COL21A1: variants seen among roughly 807,000 people sequenced by gnomAD.
The protein encoded by COL21A1 is collagen type XXI alpha 1 chain, also known as collagen alpha-1(XXI) chain.
COL21A1 carries 149 observed loss-of-function variants against 137.9 expected under a neutral mutation model. The ratio of observed to expected loss-of-function variants is 1.08; its 90% CI spans 0.95 to 1.24. The LOEUF (loss-of-function observed/expected upper bound fraction) is 1.24. Ranked by LOEUF, COL21A1 falls within the 50% of genes most tolerant of loss-of-function variation. The pLI, the probability that COL21A1 is intolerant of heterozygous loss-of-function variation, is 0.00. For missense variants in COL21A1, 1,167 were observed against 1,158.4 expected, an observed-to-expected ratio of 1.01 and a Z score of -0.11; for synonymous variants, 456 against 391.5, an observed-to-expected ratio of 1.16 and a Z score of -1.95.
chr6:56,178,823 T>G (rs976311933), intron 3 of COL21A1, among the ~76,000 whole-genome samples: 4 of 152,104 alleles, frequency 2.6e-5, no homozygotes. Context: ...TTTTCAAATG[T>G]TCTGTGAAAG....
intron 7 of COL21A1, among the ~76,000 whole-genome samples, chr6:56,165,403 T>C (rs1002873144): frequency 1.3e-5 from 2 of 152,088 alleles, no homozygotes; most frequent in Admixed American, 1.3e-4. Flanking sequence ...GAAGGAGACA[T>C]TAAAACATAA....
intron 20 of COL21A1, among the ~76,000 whole-genome samples, chr6:56,073,779 A>G (rs1003448607): frequency 6.6e-5 from 10 of 151,548 alleles, no homozygotes; most frequent in Non-Finnish European, 3.0e-5. Flanking sequence ...CTAAAAGTAA[A>G]GATAATATGC....
chr6:56,121,781 A>G (rs1772559460), intron 16 of COL21A1, among the ~76,000 whole-genome samples: 2 of 151,936 alleles, frequency 1.3e-5, no homozygotes, highest in South Asian at 4.1e-4. Flanking sequence ...CTTTCCATTC[A>G]ATTTTGCTAT....
upstream of COL21A1, among the ~76,000 whole-genome samples, chr6:56,249,456 A>G (rs1342990145): frequency 1.3e-5 from 2 of 152,242 alleles, no homozygotes; most frequent in Admixed American, 6.5e-5. Context: ...CAAAGGCAGT[A>G]ACAACCCAAA....
chr6:56,158,253 C>CT (rs59381031), intron 9 of COL21A1, among the ~76,000 whole-genome samples: 55,445 of 104,766 alleles, frequency 0.53, 13,644 homozygotes, highest in East Asian at 0.71. Flanking sequence ...TGGGTTTTTT[C>CT]TTTTTTTTTT....
rs898460897 is a variant in COL21A1, at chr6:56,128,208, G to C, written c.1543-2059C>G. Among the ~76,000 whole-genome samples, 7 of 152,132 alleles carry C rather than the reference G, an allele frequency of 4.6e-5. 1 individual carries two copies. The highest frequency in any genetic ancestry group is 1.7e-4 in the African/African-American group (7 of 41,436). On this transcript the variant is annotated intron_variant, in intron 12 of 29. Transcript: ENST00000244728. ...TAAGCTCAATGGTGTGATGGAATGTGTTCTTCAGGTTCTGAAGACTCCTCA... is the reference window on the plus strand; with the variant it reads ...TAAGCTCAATGGTGTGATGGAATGTCTTCTTCAGGTTCTGAAGACTCCTCA...
At chr6:56,294,541 TGG>T (rs1289377211) in intron 1 of COL21A1, among the ~76,000 whole-genome samples, 1 of 152,096 alleles carries the variant, frequency 6.6e-6, no homozygotes, top group East Asian at 1.9e-4. Context: ...TGCATTAGTG[TGG>T]TATATTTGTT....
At position 56,164,814 on chromosome 6, in the gene COL21A1, C is replaced by G. The variant is rs752820127; in HGVS notation, c.1287G>C (p.Glu429Asp). The G allele has an allele frequency of 5.1e-6, 8 of 1,563,432 alleles. No individual in the cohort carries two copies. In the South Asian group the frequency reaches 9.6e-5, roughly 19 times the overall value. The change falls in exon 8 of 30, where the codon GAG (glutamate) becomes GAC (aspartate). Residue 429 changes from glutamate to aspartate, a missense_variant and splice_region_variant. Transcript: ENST00000244728. ...TACEIPGFNG[E>D]CLNGPSDVGS... is the part of the protein sequence containing the mutation. The stretch of plus-strand genomic sequence containing the variant: ...GGGGAACAATAGTATCCAAGCCTAC[C>G]TCTCCATTCTGAAAGAAAAACAACA...
intron 1 of COL21A1, among the ~76,000 whole-genome samples, chr6:56,236,549 G>A (rs921566091): frequency 6.6e-6 from 1 of 151,984 alleles, no homozygotes; most frequent in Non-Finnish European, 1.5e-5. Flanking sequence ...AGAAACATTT[G>A]TTCAAACTGA....
intron 14 of COL21A1, among the ~76,000 whole-genome samples, chr6:56,124,728 G>A (rs1432243690): frequency 1.3e-5 from 2 of 152,018 alleles, no homozygotes; most frequent in South Asian, 2.1e-4. Context: ...TGCAAGCTCC[G>A]CCTCCCGGGT....
chr6:56,318,855 T>C (rs1359915849), intron 1 of COL21A1, among the ~76,000 whole-genome samples: 1 of 152,046 alleles, frequency 6.6e-6, no homozygotes, highest in African/African-American at 2.4e-5. Flanking sequence ...AATCCGTTTT[T>C]TCAGTAAAAC....
chr6:56,125,368 T>C (rs775539040), intron 14 of COL21A1, 199 bp downstream of exon 14: 2 of 387,386 alleles, frequency 5.2e-6, no homozygotes, highest in East Asian at 7.8e-5. Flanking sequence ...CATAATCTTA[T>C]AGGATACCAT....
At chr6:56,320,299 T>C (rs975123496) in intron 1 of COL21A1, among the ~76,000 whole-genome samples, 5 of 152,086 alleles carry the variant, frequency 3.3e-5, no homozygotes, top group African/African-American at 1.2e-4. Context: ...CTTTACCTTG[T>C]TCCATATAGC....
chr6:56,348,573 G>C (rs1332742295), intron 1 of COL21A1, among the ~76,000 whole-genome samples: 1 of 152,124 alleles, frequency 6.6e-6, no homozygotes, highest in African/African-American at 2.4e-5. Context: ...AGGTGGCTGG[G>C]AAGAATTCTA....
chr6:56,193,693 G>C (rs1047241924), intron 1 of COL21A1, among the ~76,000 whole-genome samples: 1 of 151,942 alleles, frequency 6.6e-6, no homozygotes, highest in Non-Finnish European at 1.5e-5. Context: ...GTCCATTACT[G>C]TCAATTTCCA....
At position 56,201,482 on chromosome 6, in the gene COL21A1, T is replaced by A. The variant is rs1182094245; in HGVS notation, c.-38-18826A>T. On this transcript the variant is annotated intron_variant, in intron 1 of 29. Transcript: ENST00000244728. ...AATCCATCTTGAATTAATTTTTGCA[T>A]AAGGTGTAAGAAAGGGATCCAGTTT... Among the ~76,000 whole-genome samples the A allele has an allele frequency of 1.1e-4, 16 of 152,158 alleles. 1 individual carries two copies.
At chr6:56,157,600 C>T (rs9475579) in intron 9 of COL21A1, among the ~76,000 whole-genome samples, 1,592 of 152,192 alleles carry the variant, frequency 0.01, 27 homozygotes, top group African/African-American at 0.035. Context: ...TGCACCCAGC[C>T]TATAGACTTA....
intron 1 of COL21A1, among the ~76,000 whole-genome samples, chr6:56,275,371 TTAAA>T (rs1365129470): frequency 1.3e-5 from 2 of 152,120 alleles, no homozygotes; most frequent in East Asian, 3.8e-4. Context: ...TGGGACCTAA[TTAAA>T]TTAAAGAGCT....
At chr6:56,216,871 G>T (rs1359947383) in intron 1 of COL21A1, among the ~76,000 whole-genome samples, 1 of 151,924 alleles carries the variant, frequency 6.6e-6, no homozygotes, top group Non-Finnish European at 1.5e-5. Context: ...AAAATAACAA[G>T]ATAATTACAG....
Sources: gnomAD v4.1 joint callset for allele counts (sites outside exome capture counted in the v4.1 genomes callset) on GRCh38, gnomAD v4.1.1 for gene constraint, MANE v1.5 for transcripts, NCBI Gene and HGNC (gene_info 2026-07-23, HGNC 2026-07-21) for gene names.